The following PACRG variants were observed in gnomAD, a reference collection of about 807,000 sequenced individuals.
PACRG encodes parkin coregulated, also known as parkin coregulated gene protein.
In PACRG, 29 loss-of-function variants were observed where a neutral mutation model predicts 29.7. The observed-to-expected ratio is 0.98, with a 90% CI of 0.73 to 1.33. The LOEUF (loss-of-function observed/expected upper bound fraction) is 1.33, where lower values mean the gene tolerates loss of function less well. PACRG is among the 40% of genes most tolerant of loss of function. The pLI is 0.00. For missense variants in PACRG, 279 were observed against 316.2 expected, an observed-to-expected ratio of 0.88 and a Z score of 0.89; for synonymous variants, 116 against 118.7, an observed-to-expected ratio of 0.98 and a Z score of 0.15.
chr6:162,831,580 C>T (rs1407127317), intron 2 of PACRG, among the ~76,000 whole-genome samples: 2 of 152,048 alleles, frequency 1.3e-5, no homozygotes, highest in African/African-American at 2.4e-5. Flanking sequence ...TGGTGGTTTG[C>T]GGCACCTATC....
rs1791089821 is a variant in PACRG, at chr6:162,853,376, T to TA, written c.291+39096dup. On this transcript the variant is annotated intron_variant, in intron 2 of 4. Transcript: ENST00000366888. The surrounding 1 kb of genome is among the most constrained non-coding windows in gnomAD (Gnocchi z 4.7). ...GCAATACCTGGTTGAACCACTGACT[T>TA]ACCGTACGTTTTAACTTTCCTGATA... Among the ~76,000 whole-genome samples, 1 of 152,142 alleles carries TA rather than the reference T, an allele frequency of 6.6e-6. No individual in the cohort carries two copies. The highest frequency in any genetic ancestry group is 1.5e-5 in the Non-Finnish European group (1 of 68,012).
chr6:162,883,822 C>G (rs1417984517), intron 2 of PACRG, among the ~76,000 whole-genome samples: 37 of 152,092 alleles, frequency 2.4e-4, no homozygotes, highest in African/African-American at 8.7e-4. Context: ...TTTGAGTCCC[C>G]CAAAATTTAA....
chr6:163,312,792 G>T, intron 4 of PACRG: 3 of 437,278 alleles, frequency 6.9e-6, no homozygotes, highest in South Asian at 3.2e-5. Context: ...CTTACTCTTT[G>T]CCCAGGCTGG....
At chr6:163,270,708 G>A (rs1381457313) in intron 4 of PACRG, among the ~76,000 whole-genome samples, 1 of 151,892 alleles carries the variant, frequency 6.6e-6, no homozygotes, top group African/African-American at 2.4e-5. Context: ...TACAATATGG[G>A]CAAATATAAC....
chr6:163,158,844 G>A (rs113710779), intron 4 of PACRG, among the ~76,000 whole-genome samples: 2 of 152,094 alleles, frequency 1.3e-5, no homozygotes, highest in African/African-American at 4.8e-5. Context: ...ACTAAACATG[G>A]CTTCTTTAGC....
intron 2 of PACRG, among the ~76,000 whole-genome samples, chr6:163,013,403 CAAT>C (rs1347212393): frequency 6.6e-6 from 1 of 150,564 alleles, no homozygotes; most frequent in Non-Finnish European, 1.5e-5. Context: ...ATTTGTATTG[CAAT>C]AATAACATGA....
rs1206968924 is a variant in PACRG, at chr6:163,075,354, A to T, written c.463+13033A>T. ...GAAAAAAATAATTGTCATTTTGTAC[A>T]AATTTTTCCAGACAATAAAACTGGA... On this transcript the variant is annotated intron_variant, in intron 3 of 4. Coordinates refer to ENST00000366888, the MANE Select transcript of PACRG (RefSeq NM_001080379.2). Among the ~76,000 whole-genome samples, 3 of 152,216 alleles carry T rather than the reference A, an allele frequency of 2.0e-5. No homozygotes were observed. The South Asian group carries it at 6.2e-4, about 32-fold the overall frequency.
At chr6:163,009,234 A>C (rs778305229) in intron 2 of PACRG, among the ~76,000 whole-genome samples, 56 of 152,230 alleles carry the variant, frequency 3.7e-4, no homozygotes, top group Non-Finnish European at 1.9e-4. Context: ...CATTAATAAA[A>C]CAGGTCATCC....
chr6:162,933,779 G>A (rs747458801), intron 2 of PACRG, among the ~76,000 whole-genome samples: 20 of 151,876 alleles, frequency 1.3e-4, no homozygotes, highest in Non-Finnish European at 2.8e-4. Context: ...AAAAAGGTTC[G>A]TTTAGTTCAT....
chr6:163,234,666 A>G (rs1242498211), intron 4 of PACRG, among the ~76,000 whole-genome samples: 1 of 152,214 alleles, frequency 6.6e-6, no homozygotes, highest in Non-Finnish European at 1.5e-5. Flanking sequence ...ATGCAGGTCA[A>G]AAACCACAGG....
intron 1 of PACRG, among the ~76,000 whole-genome samples, chr6:162,748,648 C>T (rs1375445964): frequency 6.6e-6 from 1 of 152,122 alleles, no homozygotes; most frequent in East Asian, 1.9e-4. Flanking sequence ...ACACAGTTAA[C>T]AGGTAAAGTA....
intron 3 of PACRG, among the ~76,000 whole-genome samples, chr6:163,063,067 C>G (rs570809690): frequency 6.6e-6 from 1 of 152,290 alleles, no homozygotes; most frequent in East Asian, 1.9e-4. Flanking sequence ...CTCCTCAAGT[C>G]AAGGTGGCAG....
intron 4 of PACRG, among the ~76,000 whole-genome samples, chr6:163,147,498 T>C (rs1777847833): frequency 6.6e-6 from 1 of 152,128 alleles, no homozygotes; most frequent in Non-Finnish European, 1.5e-5. Flanking sequence ...AAATACAGTA[T>C]CTCCTAACAA....
chr6:162,779,234 G>A (rs2128311713), intron 1 of PACRG, among the ~76,000 whole-genome samples: 1 of 152,308 alleles, frequency 6.6e-6, no homozygotes, highest in African/African-American at 2.4e-5. Context: ...TAGCTGCATA[G>A]TATTCCACGG....
chr6:162,919,322 T>C (rs1249973273), intron 2 of PACRG, among the ~76,000 whole-genome samples: 10 of 152,160 alleles, frequency 6.6e-5, no homozygotes, highest in African/African-American at 2.4e-4. Flanking sequence ...CAGTATGGGA[T>C]TCCCAATGTC....
intron 4 of PACRG, chr6:163,190,468 G>A (rs1346413206): frequency 2.0e-5 from 3 of 152,366 alleles, no homozygotes; most frequent in South Asian, 2.1e-4. Flanking sequence ...CCGATGCACG[G>A]AGGAAATTCT....
intron 1 of PACRG, among the ~76,000 whole-genome samples, chr6:162,784,160 T>C (rs1784288875): frequency 6.6e-6 from 1 of 152,220 alleles, no homozygotes; most frequent in South Asian, 2.1e-4. Flanking sequence ...TAATCCTTTA[T>C]GTCCTTCAGT....
chr6:163,121,329 A>G (rs1816256297), intron 4 of PACRG, among the ~76,000 whole-genome samples: 1 of 152,222 alleles, frequency 6.6e-6, no homozygotes. Flanking sequence ...TTTTAGTGCT[A>G]TGGAGTACCC....
intron 4 of PACRG, among the ~76,000 whole-genome samples, chr6:163,151,478 C>A (rs1225219199): frequency 6.6e-6 from 1 of 152,170 alleles, no homozygotes; most frequent in African/African-American, 2.4e-5. Flanking sequence ...TCCCACTAAA[C>A]AAATAAGGCC....
Sources: gnomAD v4.1 joint callset for allele counts (sites outside exome capture counted in the v4.1 genomes callset) on GRCh38, gnomAD v4.1.1 for gene constraint, Gnocchi (gnomAD v3.1) non-coding constraint, MANE v1.5 for transcripts, NCBI Gene and HGNC (gene_info 2026-07-23, HGNC 2026-07-21) for gene names.